Variants in UBQLN1 observed in about 807,000 individuals in gnomAD.
UBQLN1 encodes the protein ubiquilin 1.
UBQLN1 carries 13 observed loss-of-function variants against 65.4 expected under a neutral mutation model. The ratio of observed to expected loss-of-function variants is 0.20; its 90% CI spans 0.13 to 0.32. The LOEUF is 0.32. Among genes scored for constraint, UBQLN1 ranks in the 10% least tolerant of loss-of-function variants. The pLI is 1.00. For missense variants in UBQLN1, 561 were observed against 724.0 expected (o/e 0.77, Z 2.58); for synonymous variants, 267 against 247.8 (o/e 1.08, Z -0.73).
At chr9:83,680,850 G>A (rs1242060536) in intron 3 of UBQLN1, among the ~76,000 whole-genome samples, 1 of 152,218 alleles carries the variant, frequency 6.6e-6, no homozygotes, top group Non-Finnish European at 1.5e-5. Context: ...TAGAACTTGT[G>A]ACCAGTATCT....
intron 1 of UBQLN1, among the ~76,000 whole-genome samples, chr9:83,692,709 A>G (rs4877263): frequency 0.7 from 106,862 of 151,908 alleles, 38,448 homozygotes; most frequent in East Asian, 0.88. Context: ...AAAATTATCC[A>G]GGCATGGTGG....
chr9:83,678,114 T>G (rs996860309), intron 5 of UBQLN1, among the ~76,000 whole-genome samples, 153 bp from the exon 6 acceptor site: 6 of 150,452 alleles, frequency 4.0e-5, no homozygotes, highest in African/African-American at 1.5e-4. Flanking sequence ...CTCCGCCTCC[T>G]GTGTTCACAC....
At chr9:83,695,772 A>G (rs1832201691) in intron 1 of UBQLN1, among the ~76,000 whole-genome samples, 1 of 152,216 alleles carries the variant, frequency 6.6e-6, no homozygotes, top group African/African-American at 2.4e-5. Context: ...TCTAGCAACA[A>G]TATTCTGCAA....
chr9:83,673,542 C>CT (rs1403049975), intron 6 of UBQLN1, among the ~76,000 whole-genome samples: 1 of 76,068 alleles, frequency 1.3e-5, no homozygotes, highest in African/African-American at 4.9e-5. Context: ...GAGACTCGGT[C>CT]TTTTAAAAAA....
intron 1 of UBQLN1, 121 bp downstream of exon 1, chr9:83,707,379 G>C (rs1421769224): frequency 1.8e-6 from 2 of 1,125,228 alleles, no homozygotes; most frequent in Non-Finnish European, 2.4e-6. Flanking sequence ...AATTTGGGAC[G>C]ACGCCCGGGA....
At chr9:83,682,825 T>TC in intron 3 of UBQLN1, 126 bp downstream of exon 3, 1 of 266,180 alleles carries the variant, frequency 3.8e-6, no homozygotes, top group Non-Finnish European at 6.8e-6. Context: ...GGAATGTATG[T>TC]TTTTTTTTTT....
At chr9:83,677,511 G>A (rs966258941) in intron 6 of UBQLN1, among the ~76,000 whole-genome samples, 9 of 152,200 alleles carry the variant, frequency 5.9e-5, no homozygotes, top group Non-Finnish European at 1.2e-4. Flanking sequence ...GCGGTGAGCT[G>A]AGATCGTGCC....
chr9:83,677,840 C>G lies in UBQLN1; in HGVS notation c.992G>C (p.Ser331Thr). 6.2e-7 allele frequency: 1 copy of G among 1,614,158 alleles called. No individual in the cohort carries two copies. Among genetic ancestry groups the G allele is most frequent in the Middle Eastern group, 1.6e-4 (1 of 6,062 alleles). ...PNPWAPQTSQSSSASSGTAST... is the reference protein window; with the variant it reads ...PNPWAPQTSQTSSASSGTAST... ...GGCAGTGCCGCTGGAAGCTGATGAACTCTGGGAAGTCTGTGGAGCCCATGG... is the reference window on the plus strand; with the variant it reads ...GGCAGTGCCGCTGGAAGCTGATGAAGTCTGGGAAGTCTGTGGAGCCCATGG... Residue 331 changes from serine to threonine, a missense_variant, in exon 6 of 11, where the codon AGT becomes ACT. Transcript: ENST00000376395.
Position 83,683,048 on chromosome 9 carries a change from A to G in UBQLN1, c.351T>C (p.Ala117=), listed in dbSNP as rs772497221. Reference sequence around the variant, plus strand: ...TGCTTCCAGCTGTATTTGTTTGCTGAGCTGAATGATCCTGAGGCCTAGGGA... The same window carrying G: ...TGCTTCCAGCTGTATTTGTTTGCTGGGCTGAATGATCCTGAGGCCTAGGGA... ...KTQNRPQDHS[A]QQTNTAGSNV... The change falls in exon 3 of 11, where the codon GCT becomes GCC. Residue 117 remains alanine (A), a synonymous_variant. Transcript: ENST00000376395. The G allele has an allele frequency of 1.9e-6, 3 of 1,611,242 alleles. No individual in the cohort carries two copies. Among genetic ancestry groups the G allele is most frequent in the Non-Finnish European group, 2.5e-6 (3 of 1,179,126 alleles).
intron 1 of UBQLN1, among the ~76,000 whole-genome samples, chr9:83,702,571 A>G (rs1370981769): frequency 6.6e-6 from 1 of 152,224 alleles, no homozygotes; most frequent in African/African-American, 2.4e-5. Context: ...GGTCAAATTA[A>G]TTTTGATATT....
rs149835068 is a variant in UBQLN1 at position 83,665,086 on chromosome 9, T to C, written c.1392A>G (p.Leu464=). ...ATGTCTGTAAACCCTGCTGAATCTG[T>C]AACAAGGCCTGCATTGCTCTAGGGT... is the stretch of plus-strand genomic sequence containing the variant. ...MSNPRAMQAL[L]QIQQGLQTLA... The change falls in exon 9 of 11, where the codon TTA becomes TTG. Residue 464 remains leucine (L), a synonymous_variant. Coordinates refer to ENST00000376395, the MANE Select transcript of UBQLN1 (RefSeq NM_013438.5). 208 of 1,614,052 alleles carry C rather than the reference T, an allele frequency of 1.3e-4. 1 individual carries two copies. The African/African-American group carries it at 2.2e-3, about 17-fold the overall frequency.
Position 83,691,349 on chromosome 9 carries a change from T to C in UBQLN1, c.181-5194A>G, listed in dbSNP as rs145324298. ...AAGGCTAAAAGATGATCCATTAACA[T>C]CGTATGTGGCAGAGACAATTAAAAC... is the stretch of plus-strand genomic sequence containing the variant. On this transcript the variant is annotated intron_variant, in intron 1 of 10. Coordinates refer to ENST00000376395, the MANE Select transcript of UBQLN1 (RefSeq NM_013438.5). 8.6e-3 allele frequency among the ~76,000 whole-genome samples: 1,311 copies of C among 152,116 alleles called. 20 individuals carry two copies. Among genetic ancestry groups the C allele is most frequent in the African/African-American group, 0.029 (1,218 of 41,478 alleles).
intron 1 of UBQLN1, among the ~76,000 whole-genome samples, chr9:83,687,143 C>A (rs1053854547): frequency 9.2e-5 from 14 of 152,060 alleles, no homozygotes; most frequent in African/African-American, 3.4e-4. Flanking sequence ...TCAAGTAAAA[C>A]CATGAAGTCC....
intron 5 of UBQLN1, 30 bp from the exon 6 acceptor site, chr9:83,677,991 G>C: frequency 5.8e-4 from 696 of 1,202,526 alleles, no homozygotes; most frequent in Non-Finnish European, 7.5e-4. Flanking sequence ...AAATCACAAA[G>C]AATAAGCTTT....
intron 3 of UBQLN1, among the ~76,000 whole-genome samples, chr9:83,680,849 T>C (rs1831928566): frequency 1.3e-5 from 2 of 152,218 alleles, no homozygotes; most frequent in African/African-American, 4.8e-5. Context: ...CTAGAACTTG[T>C]GACCAGTATC....
chr9:83,687,137 GT>G (rs1026078804), intron 1 of UBQLN1, among the ~76,000 whole-genome samples: 2 of 152,102 alleles, frequency 1.3e-5, no homozygotes, highest in African/African-American at 4.8e-5. Flanking sequence ...TGAGAGTCAA[GT>G]AAAACCATGA....
At chr9:83,670,178 C>A (rs1831707418) in intron 6 of UBQLN1, among the ~76,000 whole-genome samples, 1 of 152,002 alleles carries the variant, frequency 6.6e-6, no homozygotes, top group Admixed American at 6.6e-5. Flanking sequence ...CAACTGCCAA[C>A]TAGATACACT....
intron 3 of UBQLN1, 22 bp downstream of exon 3, chr9:83,682,929 T>G (rs751068856): frequency 4.1e-6 from 6 of 1,463,868 alleles, no homozygotes; most frequent in Non-Finnish European, 5.7e-6. Flanking sequence ...CCATCCCTAC[T>G]GGAATGACTA....
chr9:83,686,970 T>G (rs941683674), intron 1 of UBQLN1, among the ~76,000 whole-genome samples: 2 of 151,796 alleles, frequency 1.3e-5, no homozygotes, highest in African/African-American at 2.4e-5. Context: ...CCCAAGTCTG[T>G]CTGTTTAAAA....
Sources: allele counts gnomAD v4.1 joint callset (sites outside exome capture counted in the v4.1 genomes callset), GRCh38; gene constraint gnomAD v4.1.1; transcripts MANE v1.5; gene names NCBI Gene and HGNC (gene_info 2026-07-23, HGNC 2026-07-21).